The following ARHGAP27 variants were observed in gnomAD, a reference collection of about 807,000 sequenced individuals.
The protein encoded by ARHGAP27 is rho GTPase-activating protein 27.
Under a neutral mutation model 102.0 loss-of-function variants are expected in ARHGAP27, and 53 were observed. The observed-to-expected ratio is 0.52, with a 90% CI of 0.42 to 0.65. ARHGAP27 has a LOEUF of 0.65. Among genes scored for constraint, ARHGAP27 ranks in the 30% least tolerant of loss-of-function variants. The pLI, the probability that ARHGAP27 is intolerant of heterozygous loss-of-function variation, is 0.00. For synonymous variants in ARHGAP27, 525 were observed against 542.8 expected (o/e 0.97, Z 0.46); for missense variants, 1,117 against 1,256.2 (o/e 0.89, Z 1.68).
At chr17:45,414,550 G>C (rs1481494519) in intron 4 of ARHGAP27, among the ~76,000 whole-genome samples, 2 of 149,474 alleles carry the variant, frequency 1.3e-5, no homozygotes, top group African/African-American at 4.9e-5. Flanking sequence ...CAATCCTTCT[G>C]CCTCAGCCTC....
Position 45,405,990 on chromosome 17 carries a change from C to T in ARHGAP27, c.751G>A (p.Val251Met). The T allele has an allele frequency of 6.5e-7, 1 of 1,535,804 alleles. No individual in the cohort carries two copies. The change falls in exon 5 of 20, where the codon GTG becomes ATG. Residue 251 changes from valine (V) to methionine (M), a missense_variant. Val to Met is a conservative substitution (Grantham distance 21). This residue lies in a region of ARHGAP27 where 610 missense variants were observed against 716.4 expected (regional missense o/e 0.85). Transcript: ENST00000685559. The stretch of plus-strand genomic sequence containing the variant: ...CCCGCGTCCGTGTGCGTCTCCCACA[C>T]CGGGCTGGGAAGGGGGGCTGCAGCG... ...GAAAAPLPSP[V>M]WETHTDAGTG...
At chr17:45,409,806 C>G (rs557534903) in intron 4 of ARHGAP27, 1 of 167,200 alleles carries the variant, frequency 6.0e-6, no homozygotes, top group South Asian at 1.5e-4. Flanking sequence ...CTCCTCCTTG[C>G]TCCTGTTCAT....
rs1238867029 is a variant in ARHGAP27 at position 45,430,253 on chromosome 17, C to G, written c.27G>C (p.Val9=). ...CGAAGGGGTGCTCCACCAGCACGTA[C>G]ACGTCCCCCACCACGTCCGCCGCCA... MAADVVGD[V]YVLVEHPFEY... The change falls in exon 4 of 20, where the codon GTG becomes GTC. Residue 9 remains valine (V), a synonymous_variant. Coordinates refer to ENST00000685559, the MANE Select transcript of ARHGAP27 (RefSeq NM_001282290.2). This position sits in a 1 kb window ranked among gnomAD's most constrained non-coding sequence, Gnocchi z 4.4. 1.9e-6 allele frequency: 3 copies of G among 1,578,348 alleles called. No homozygotes were observed. In the African/African-American group the frequency reaches 4.0e-5, roughly 21 times the overall value.
In ARHGAP27 at chr17:45,414,501, G is replaced by A. The variant is rs941011133; in HGVS notation, c.658-8418C>T. 7.9e-4 allele frequency among the ~76,000 whole-genome samples: 119 copies of A among 150,794 alleles called. 1 individual carries two copies. The highest frequency in any genetic ancestry group is 2.2e-4 in the Non-Finnish European group (15 of 67,746). ...CACCCAGGCTGGAGGGCAGTGGCAC[G>A]ATCATGGTTCACTGCAGCTTTGACT... On this transcript the variant is annotated intron_variant, in intron 4 of 19. Transcript: ENST00000685559.
chr17:45,401,741 T>C (rs2144366165), intron 12 of ARHGAP27: 1 of 152,372 alleles, frequency 6.6e-6, no homozygotes, highest in East Asian at 1.9e-4. Flanking sequence ...GTGGGTTTTA[T>C]TATTTGTTCA....
At chr17:45,405,383 C>G (rs1234533365) in intron 5 of ARHGAP27, among the ~76,000 whole-genome samples, 1 of 151,140 alleles carries the variant, frequency 6.6e-6, no homozygotes, top group Non-Finnish European at 1.5e-5. Context: ...GTCAGAAGCG[C>G]TTAGAGGTAG....
At chr17:45,422,595 G>A (rs771975516) in intron 4 of ARHGAP27, among the ~76,000 whole-genome samples, 4 of 152,166 alleles carry the variant, frequency 2.6e-5, no homozygotes, top group Admixed American at 1.3e-4. Context: ...AGGATAAAGA[G>A]GGACACCACG....
intron 10 of ARHGAP27, 137 bp from the exon 11 acceptor site, chr17:45,403,846 C>CT: frequency 2.0e-6 from 2 of 985,840 alleles, no homozygotes; most frequent in South Asian, 1.5e-5. Flanking sequence ...AATCCCGACT[C>CT]TAACACCTAG....
intron 4 of ARHGAP27, among the ~76,000 whole-genome samples, chr17:45,424,113 A>G (rs2049312053): frequency 6.6e-6 from 1 of 152,068 alleles, no homozygotes; most frequent in Non-Finnish European, 1.5e-5. Context: ...CCCTCCTTTC[A>G]TGCCTCACAG....
chr17:45,423,594 AT>A (rs1169011313), intron 4 of ARHGAP27, among the ~76,000 whole-genome samples: 1 of 152,178 alleles, frequency 6.6e-6, no homozygotes, highest in African/African-American at 2.4e-5. Flanking sequence ...GACATATCAT[AT>A]CATATCATAT....
intron 17 of ARHGAP27, 41 bp downstream of exon 17, chr17:45,396,166 C>A (rs377722433): frequency 1.9e-6 from 3 of 1,593,958 alleles, no homozygotes; most frequent in Middle Eastern, 1.7e-4. Flanking sequence ...GTACCCCTTG[C>A]GCCTTCAGGC....
At chr17:45,419,818 T>A (rs906896986) in intron 4 of ARHGAP27, among the ~76,000 whole-genome samples, 2 of 150,608 alleles carry the variant, frequency 1.3e-5, no homozygotes, top group Non-Finnish European at 3.0e-5. Flanking sequence ...AGGATATAAA[T>A]AGACCATTCA....
Position 45,430,265 on chromosome 17 carries a change from C to G in ARHGAP27, c.15G>C (p.Val5=), listed in dbSNP as rs2049957556. 2 of 1,577,122 alleles carry G rather than the reference C, an allele frequency of 1.3e-6. No homozygotes were observed. Among genetic ancestry groups the G allele is most frequent in the East Asian group, 2.3e-5 (1 of 43,634 alleles). Reference sequence around the variant, plus strand: ...CCACCAGCACGTACACGTCCCCCACCACGTCCGCCGCCATCGCAGCCGCGG... The same window carrying G: ...CCACCAGCACGTACACGTCCCCCACGACGTCCGCCGCCATCGCAGCCGCGG... MAAD[V]VGDVYVLVEH... Residue 5 remains valine, a synonymous_variant, in exon 4 of 20, where the codon GTG becomes GTC. Transcript: ENST00000685559. The surrounding 1 kb of genome is among the most constrained non-coding windows in gnomAD (Gnocchi z 4.4).
chr17:45,395,732 C>T lies in ARHGAP27; in HGVS notation c.2492+12G>A, dbSNP rs546673068. ...CCTGCCTCCCCCTTCCCGCGCGGGC[C>T]GCCCGGCTCACCGGCAGAGGTGCTG... is the stretch of plus-strand genomic sequence containing the variant. On this transcript the variant is annotated intron_variant, in intron 19 of 19. Transcript: ENST00000685559. 36 of 1,583,088 alleles carry T rather than the reference C, an allele frequency of 2.3e-5. No homozygotes were observed. The South Asian group carries it at 2.8e-4, about 13-fold the overall frequency.
chr17:45,395,572 G>T lies in ARHGAP27; in HGVS notation c.2554C>A (p.Pro852Thr). 6.2e-7 allele frequency: 1 copy of T among 1,605,668 alleles called. No individual in the cohort carries two copies. Among genetic ancestry groups the T allele is most frequent in the South Asian group, 1.1e-5 (1 of 89,246 alleles). Residue 852 changes from proline (P) to threonine (T), a missense_variant, in exon 20 of 20, where the codon CCC becomes ACC. By Grantham distance (38) the Pro-to-Thr change is conservative. Transcript: ENST00000685559. ...TCCACCTCGGGCCGCAGCAGCGTGG[G>T]CCCGAACACAATGGCCACGCTCTGC... is the stretch of plus-strand genomic sequence containing the variant. ...SVQSVAIVFGPTLLRPEVEET... is the reference protein window; with the variant it reads ...SVQSVAIVFGTTLLRPEVEET...
At chr17:45,419,182 C>T (rs1180325282) in intron 4 of ARHGAP27, among the ~76,000 whole-genome samples, 3 of 152,110 alleles carry the variant, frequency 2.0e-5, no homozygotes, top group Non-Finnish European at 4.4e-5. Flanking sequence ...ACAAACTTGT[C>T]AGTGAAAGGT....
chr17:45,425,297 T>C (rs2145016103), intron 4 of ARHGAP27, among the ~76,000 whole-genome samples: 1 of 152,164 alleles, frequency 6.6e-6, no homozygotes, highest in South Asian at 2.1e-4. Context: ...CAACTTGGCC[T>C]CAGCTTCCTG....
chr17:45,431,299 T>C (rs768789382), intron 3 of ARHGAP27, among the ~76,000 whole-genome samples: 8 of 152,278 alleles, frequency 5.3e-5, no homozygotes, highest in Middle Eastern at 3.4e-3. Flanking sequence ...ACCAAAGCCA[T>C]GAGTCGGTTT....
rs770637963 is a variant in ARHGAP27 at position 45,404,022 on chromosome 17, C to T, written c.1547+7G>A. The T allele has an allele frequency of 3.7e-5, 60 of 1,613,622 alleles. No homozygotes were observed. The Middle Eastern group carries it at 1.3e-3, about 36-fold the overall frequency. Reference sequence around the variant, plus strand: ...CTGCCCCGGCCTGAGTGTAGATGGGCTCTCACCGGAGCCGCTTTCCCTTGT... The same window carrying T: ...CTGCCCCGGCCTGAGTGTAGATGGGTTCTCACCGGAGCCGCTTTCCCTTGT... On this transcript the variant is annotated splice_region_variant and intron_variant, in intron 10 of 19. Transcript: ENST00000685559.
Sources: gnomAD v4.1 joint callset for allele counts (sites outside exome capture counted in the v4.1 genomes callset) on GRCh38, gnomAD v4.1.1 for gene constraint, gnomAD v4.1.1 regional missense constraint, Gnocchi (gnomAD v3.1) non-coding constraint, MANE v1.5 for transcripts, NCBI Gene and HGNC (gene_info 2026-07-23, HGNC 2026-07-21) for gene names.